OPCML: variants seen among roughly 807,000 people sequenced by gnomAD.
OPCML encodes opioid binding protein/cell adhesion molecule like.
OPCML carries 13 observed loss-of-function variants against 37.8 expected under a neutral mutation model. The observed-to-expected ratio is 0.34, with a 90% CI of 0.22 to 0.55. The LOEUF (loss-of-function observed/expected upper bound fraction) is 0.55, where lower values mean the gene tolerates loss of function less well. Ranked by LOEUF, OPCML falls within the 20% of genes least tolerant of loss-of-function variation. The pLI is 0.91. For synonymous variants in OPCML, 176 were observed against 168.8 expected, an observed-to-expected ratio of 1.04 and a Z score of -0.33; for missense variants, 341 against 435.6, an observed-to-expected ratio of 0.78 and a Z score of 1.93.
intron 1 of OPCML, among the ~76,000 whole-genome samples, chr11:133,182,194 T>TA (rs1364170611): frequency 3.3e-5 from 5 of 152,198 alleles, no homozygotes; most frequent in Non-Finnish European, 7.4e-5. Context: ...GTAGCAGGAA[T>TA]AAAAGAAGTC....
chr11:133,420,623 TG>T (rs1945867306), intron 1 of OPCML: 40 of 985,410 alleles, frequency 4.1e-5, no homozygotes, highest in Non-Finnish European at 4.8e-5. Context: ...GTAATGATCA[TG>T]GGATTAAGGG....
At chr11:132,579,017 C>T (rs1228175353) in intron 3 of OPCML, among the ~76,000 whole-genome samples, 2 of 152,044 alleles carry the variant, frequency 1.3e-5, no homozygotes, top group African/African-American at 4.8e-5. Context: ...TAAAATTAGC[C>T]ATTTATTTCT....
chr11:133,436,286 G>A (rs921031972), intron 1 of OPCML, among the ~76,000 whole-genome samples: 7 of 151,076 alleles, frequency 4.6e-5, no homozygotes, highest in South Asian at 2.1e-4. Flanking sequence ...AAGACTGTTA[G>A]TTTTGGTTCC....
chr11:132,719,173 C>T (rs1944592557), intron 2 of OPCML, among the ~76,000 whole-genome samples: 1 of 152,230 alleles, frequency 6.6e-6, no homozygotes, highest in African/African-American at 2.4e-5. Flanking sequence ...GGCGCGTGTT[C>T]TTCTGTCATG....
At chr11:133,475,929 C>G (rs991117109) in intron 1 of OPCML, among the ~76,000 whole-genome samples, 2 of 152,108 alleles carry the variant, frequency 1.3e-5, no homozygotes, top group Non-Finnish European at 2.9e-5. Context: ...GGCAGTGGAG[C>G]CTCCCAGGGG....
At chr11:133,022,086 G>C (rs892731715) in intron 1 of OPCML, among the ~76,000 whole-genome samples, 1 of 152,172 alleles carries the variant, frequency 6.6e-6, no homozygotes. Flanking sequence ...TTTCTACTTC[G>C]CAGTAGGGCC....
chr11:132,667,493 A>G (rs1264364498), intron 2 of OPCML, among the ~76,000 whole-genome samples: 1 of 152,216 alleles, frequency 6.6e-6, no homozygotes, highest in African/African-American at 2.4e-5. Context: ...AATGAGAATG[A>G]TCTTATCAAT....
intron 2 of OPCML, among the ~76,000 whole-genome samples, chr11:132,749,433 G>C (rs1275763591): frequency 6.6e-6 from 1 of 152,166 alleles, no homozygotes; most frequent in African/African-American, 2.4e-5. Context: ...AAGGTTGGCA[G>C]GGAGTTTGAG....
intron 1 of OPCML, among the ~76,000 whole-genome samples, chr11:133,126,791 C>G (rs1347993234): frequency 6.6e-6 from 1 of 152,246 alleles, no homozygotes; most frequent in East Asian, 1.9e-4. Context: ...GCCTGGAATT[C>G]CAGCTCCCTC....
chr11:132,517,605 T>C (rs752460775), intron 4 of OPCML, among the ~76,000 whole-genome samples: 13 of 152,210 alleles, frequency 8.5e-5, no homozygotes, highest in East Asian at 1.9e-4. Context: ...ACAGAACTTG[T>C]AAAGTCGGTC....
intron 4 of OPCML, among the ~76,000 whole-genome samples, chr11:132,447,007 A>C (rs1373464987): frequency 6.6e-6 from 1 of 152,186 alleles, no homozygotes; most frequent in Non-Finnish European, 1.5e-5. Context: ...GCGCTTTGGC[A>C]AAGTGGCTTC....
intron 2 of OPCML, among the ~76,000 whole-genome samples, chr11:132,923,299 G>A (rs73024206): frequency 0.036 from 5,551 of 152,104 alleles, 133 homozygotes; most frequent in Non-Finnish European, 0.052. Flanking sequence ...CCAGACTCAT[G>A]GATTTGTACC....
Position 133,080,231 on chromosome 11 carries a change from TCA to T in OPCML, c.62-137223_62-137222del, listed in dbSNP as rs1948689637. ...CTGCGGGACTGTAGGATGGTAACTC[TCA>T]GACTCCAGTGTGTCCCCTCATCACC... On this transcript the variant is annotated intron_variant, in intron 1 of 7. Transcript: ENST00000524381. Among the ~76,000 whole-genome samples, 4 of 152,220 alleles carry T rather than the reference TCA, an allele frequency of 2.6e-5. No homozygotes were observed. In the South Asian group the frequency reaches 8.3e-4, roughly 32 times the overall value.
intron 3 of OPCML, among the ~76,000 whole-genome samples, chr11:132,643,396 C>A (rs1940969029): frequency 6.6e-6 from 1 of 152,162 alleles, no homozygotes; most frequent in East Asian, 1.9e-4. Flanking sequence ...GCAGGGTGTC[C>A]TGGAACAAGG....
At chr11:132,499,889 G>A (rs1053816238) in intron 4 of OPCML, among the ~76,000 whole-genome samples, 19 of 152,182 alleles carry the variant, frequency 1.2e-4, no homozygotes, top group African/African-American at 4.6e-4. Flanking sequence ...AACATTCGAG[G>A]ACAATATGCT....
chr11:133,096,684 G>A (rs1408479692), intron 1 of OPCML, among the ~76,000 whole-genome samples: 1 of 151,892 alleles, frequency 6.6e-6, no homozygotes, highest in Admixed American at 6.6e-5. Flanking sequence ...AGAGACAGAA[G>A]AAAATATGCC....
At chr11:133,396,279 A>G (rs1184200801) in intron 1 of OPCML, among the ~76,000 whole-genome samples, 1 of 152,064 alleles carries the variant, frequency 6.6e-6, no homozygotes, top group Non-Finnish European at 1.5e-5. Context: ...AAATTTACTT[A>G]TTAGTTCTAA....
At chr11:132,919,254 C>T (rs373940064) in intron 2 of OPCML, among the ~76,000 whole-genome samples, 1 of 152,146 alleles carries the variant, frequency 6.6e-6, no homozygotes, top group African/African-American at 2.4e-5. Context: ...AAGGTAAAGG[C>T]ATGTTCTAAG....
intron 1 of OPCML, among the ~76,000 whole-genome samples, chr11:132,960,758 C>T (rs1366321301): frequency 6.6e-6 from 1 of 152,196 alleles, no homozygotes; most frequent in South Asian, 2.1e-4. Context: ...TGGCAATGTG[C>T]GCATTTCATT....
Sources: allele counts gnomAD v4.1 joint callset (sites outside exome capture counted in the v4.1 genomes callset), GRCh38; gene constraint gnomAD v4.1.1; transcripts MANE v1.5; gene names NCBI Gene and HGNC (gene_info 2026-07-23, HGNC 2026-07-21).